MYO15B: variants seen among roughly 807,000 people sequenced by gnomAD.
MYO15B encodes the protein myosin XVB pseudogene.
Under a neutral mutation model 119.3 loss-of-function variants are expected in MYO15B, and 207 were observed. That is an observed-to-expected ratio of 1.73 (90% CI 1.55 to 1.95). The LOEUF (loss-of-function observed/expected upper bound fraction) is 1.95, where lower values mean the gene tolerates loss of function less well. Ranked by LOEUF, MYO15B falls within the 30% of genes most tolerant of loss-of-function variation. MYO15B has a pLI of 0.00. For missense variants in MYO15B, 2,264 were observed against 1,203.1 expected (o/e 1.88, Z -13.04); for synonymous variants, 966 against 498.9 (o/e 1.94, Z -12.48).
At position 75,625,098 on chromosome 17, in the gene MYO15B, C is replaced by T. The variant is rs1269171769; in HGVS notation, c.8689-25C>T. 2.1e-5 allele frequency: 14 copies of T among 677,394 alleles called. No homozygotes were observed. In the Admixed American group the frequency reaches 2.9e-4, roughly 14 times the overall value. The allele number at this position is 677,394 out of a possible 1,614,324, so 42.0% of individuals were successfully genotyped here. On this transcript the variant is annotated intron_variant, in intron 59 of 63. Coordinates refer to ENST00000645453, the Ensembl canonical transcript of MYO15B. ...ATGGGGGGCTTTGGACCACCGCTGC[C>T]CTCCTCACCGTGCTCCCCGCACAGG... is the stretch of plus-strand genomic sequence containing the variant.
chr17:75,591,908 C>T (rs1014580907), intron 5 of MYO15B, 69 bp from the exon 6 acceptor site: 53 of 685,508 alleles, frequency 7.7e-5, no homozygotes, highest in Non-Finnish European at 1.2e-4. Context: ...TGGACCTGCC[C>T]CTAGCTGGGA....
chr17:75,589,196 T>G lies in MYO15B; in HGVS notation c.1139T>G (p.Leu380Arg). 1 of 329,362 alleles carries G rather than the reference T, an allele frequency of 3.0e-6. No homozygotes were observed. The allele number at this position is 329,362 out of a possible 1,614,324, so 20.4% of individuals were successfully genotyped here. The change falls in exon 1 of 64, where the codon CTG becomes CGG. Residue 380 changes from leucine to arginine, a missense_variant. Leu to Arg is a moderately radical substitution (Grantham distance 102). Transcript: ENST00000645453. This position sits in a 1 kb window ranked among gnomAD's most constrained non-coding sequence, Gnocchi z 4.2. The stretch of plus-strand genomic sequence containing the variant: ...CGAGCCCTGGGCCTCCTGCGCTGGC[T>G]GCGGCGGCGGCTGCGGCTGCGGCGG...
At chr17:75,606,971 C>A (rs185065753) in intron 21 of MYO15B, 2 of 398,522 alleles carry the variant, frequency 5.0e-6, no homozygotes, top group African/African-American at 2.1e-5. Context: ...GTTGGCTGAC[C>A]GTCTGCCTCA....
exon 27 of MYO15B, chr17:75,613,034 T>C: frequency 5.7e-6 from 4 of 700,454 alleles, no homozygotes; most frequent in Non-Finnish European, 7.8e-6. Context: ...CATGGGCGCA[T>C]ACCTGGTGCG....
rs747357269 is a variant in MYO15B, at chr17:75,606,074, C to T, written c.4292+53C>T. The T allele has an allele frequency of 8.5e-4, 533 of 629,800 alleles. 4 individuals carry two copies. The highest frequency in any genetic ancestry group is 3.5e-4 in the Non-Finnish European group (120 of 342,278). 39.0% of individuals were successfully genotyped at this position (629,800 alleles called of 1,614,324 possible). A position where few individuals can be genotyped will look rare whatever the true frequency, so the allele number is the denominator to read the frequency against. ...AGTGGGTGGGGTGAGGCCGTGGGTT[C>T]GTCCTCCAGGTGGTGGGGCAGGGTT... On this transcript the variant is annotated intron_variant, in intron 21 of 63. Coordinates refer to ENST00000645453, the Ensembl canonical transcript of MYO15B.
At chr17:75,603,482 C>T (rs1182802764) in intron 19 of MYO15B, among the ~76,000 whole-genome samples, 170 bp downstream of exon 19, 10 of 152,106 alleles carry the variant, frequency 6.6e-5, no homozygotes, top group Admixed American at 5.9e-4. Context: ...CTCTCTTTCT[C>T]TCTCCATCTC....
exon 18 of MYO15B, chr17:75,603,047 C>T: frequency 1.4e-6 from 1 of 703,382 alleles, no homozygotes; most frequent in Non-Finnish European, 2.6e-6. Context: ...ATGTCTATTT[C>T]ATCCAGTGCC....
chr17:75,591,506 C>G (rs575440861), intron 4 of MYO15B, 95 bp from the exon 5 acceptor site: 32 of 687,624 alleles, frequency 4.7e-5, no homozygotes, highest in African/African-American at 4.6e-4. Context: ...TCCAGGCTAG[C>G]TGTCACTTCT....
intron 52 of MYO15B, 127 bp downstream of exon 52, chr17:75,621,697 TG>T (rs1306793969): frequency 2.1e-5 from 13 of 620,744 alleles, no homozygotes; most frequent in Non-Finnish European, 3.5e-5. Flanking sequence ...AGCTCACTGG[TG>T]GTTCCTGGAC....
chr17:75,611,877 T>C lies in MYO15B; in HGVS notation c.4505-9T>C. The C allele has an allele frequency of 1.4e-6, 1 of 702,906 alleles. No homozygotes were observed. The highest frequency in any genetic ancestry group is 2.6e-6 in the Non-Finnish European group (1 of 384,972). 43.5% of individuals were successfully genotyped at this position (702,906 alleles called of 1,614,324 possible). A position where few individuals can be genotyped will look rare whatever the true frequency, so the allele number is the denominator to read the frequency against. ...TGCTCCTGGGCTGCCTCCCGGTGCTTGTTCCCAGGCCATCGGGACGCCCTG... is the reference window on the plus strand; with the variant it reads ...TGCTCCTGGGCTGCCTCCCGGTGCTCGTTCCCAGGCCATCGGGACGCCCTG... On this transcript the variant is annotated splice_polypyrimidine_tract_variant and intron_variant, in intron 24 of 63. Coordinates refer to ENST00000645453, the Ensembl canonical transcript of MYO15B.
rs2057937786 is a variant in MYO15B, at chr17:75,610,266, G to A, written c.4386+7G>A. ...GAGGCGGCAGAGACTGCAGGTGCAG[G>A]GGCTTGGGTGGGGCGGTTCAGGGTA... On this transcript the variant is annotated splice_region_variant and intron_variant, in intron 22 of 63. Coordinates refer to ENST00000645453, the Ensembl canonical transcript of MYO15B. 4.3e-6 allele frequency: 3 copies of A among 694,926 alleles called. No individual in the cohort carries two copies. Among genetic ancestry groups the A allele is most frequent in the African/African-American group, 1.8e-5 (1 of 56,800 alleles). The allele number at this position is 694,926 out of a possible 1,614,324, so 43.0% of individuals were successfully genotyped here.
chr17:75,626,824 G>T, exon 64 of MYO15B: 1 of 451,920 alleles, frequency 2.2e-6, no homozygotes, highest in Admixed American at 3.8e-5. Flanking sequence ...AACAGCTGCT[G>T]AGGAAATAAA....
chr17:75,612,405 C>G (rs2058083428), intron 25 of MYO15B, among the ~76,000 whole-genome samples: 1 of 152,204 alleles, frequency 6.6e-6, no homozygotes, highest in Non-Finnish European at 1.5e-5. Context: ...GACATGGTGG[C>G]TCATGCTTGT....
intron 14 of MYO15B, among the ~76,000 whole-genome samples, chr17:75,599,401 A>C (rs1165228731): frequency 6.6e-6 from 1 of 151,704 alleles, no homozygotes; most frequent in East Asian, 1.9e-4. Context: ...CAGCCTTCCA[A>C]GTAGCTGGGA....
At chr17:75,613,877 GC>G in intron 29 of MYO15B, 100 bp downstream of exon 29, 2 of 616,712 alleles carry the variant, frequency 3.2e-6, no homozygotes, top group South Asian at 3.7e-5. Flanking sequence ...GAGGAGAGGT[GC>G]CCCGGGGTGG....
exon 16 of MYO15B, chr17:75,602,565 G>T (rs1357115943): frequency 1.4e-6 from 1 of 691,110 alleles, no homozygotes; most frequent in Admixed American, 2.0e-5. Context: ...CCCTGCTGTG[G>T]TGGAGATGCT....
exon 61 of MYO15B, chr17:75,625,641 A>G (rs1247379023): frequency 4.3e-6 from 3 of 703,052 alleles, no homozygotes; most frequent in Non-Finnish European, 7.8e-6. Flanking sequence ...GCCCCCAGGA[A>G]GCACAGATCA....
exon 1 of MYO15B, chr17:75,588,902 G>A (rs925197262): frequency 2.5e-5 from 10 of 398,436 alleles, no homozygotes; most frequent in African/African-American, 1.8e-4. Context: ...AGCGACAACC[G>A]GGCGCAGCGG....
At chr17:75,601,300 A>G (rs2057266503) in intron 14 of MYO15B, 138 bp from the exon 15 acceptor site, 1 of 588,422 alleles carries the variant, frequency 1.7e-6, no homozygotes, top group East Asian at 2.9e-5. Flanking sequence ...CGGCCTCCCA[A>G]AGCGCTTGTT....
Sources: gnomAD v4.1 joint callset for allele counts (sites outside exome capture counted in the v4.1 genomes callset) on GRCh38, gnomAD v4.1.1 for gene constraint, Gnocchi (gnomAD v3.1) non-coding constraint, MANE v1.5 for transcripts, NCBI Gene and HGNC (gene_info 2026-07-23, HGNC 2026-07-21) for gene names.